The following DCX variants were observed in gnomAD, a reference collection of about 807,000 sequenced individuals.
DCX encodes neuronal migration protein doublecortin.
In DCX, 4 loss-of-function variants were observed where a neutral mutation model predicts 20.9. The ratio of observed to expected loss-of-function variants is 0.19; its 90% CI spans 0.09 to 0.44. The LOEUF (loss-of-function observed/expected upper bound fraction) is 0.44, where lower values mean the gene tolerates loss of function less well. DCX is among the 20% of genes least tolerant of loss of function. The pLI is 0.99. For missense variants in DCX, 133 were observed against 296.9 expected (o/e 0.45, Z 4.06); for synonymous variants, 103 against 111.4 (o/e 0.92, Z 0.47).
chrX:111,402,827 G>C (rs1391120345), intron 2 of DCX, among the ~76,000 whole-genome samples: 2 of 102,489 alleles, frequency 2.0e-5, no homozygotes, highest in South Asian at 9.3e-4. Context: ...GTGTGCGGAG[G>C]GGGAGGGTAA....
At chrX:111,354,708 T>G (rs1293426040) in intron 3 of DCX, among the ~76,000 whole-genome samples, 1 of 112,448 alleles carries the variant, frequency 8.9e-6, no homozygotes, top group Non-Finnish European at 1.9e-5. Flanking sequence ...ACAGTGTGAT[T>G]GCCTGGAACG....
intron 1 of DCX, among the ~76,000 whole-genome samples, chrX:111,411,342 G>A (rs778201744): frequency 9.6e-6 from 1 of 104,145 alleles, no homozygotes; most frequent in South Asian, 4.6e-4. Context: ...AACAGCATAC[G>A]GGACCTTTAG....
chrX:111,398,658 G>T (rs1358304537), intron 3 of DCX, among the ~76,000 whole-genome samples: 1 of 112,108 alleles, frequency 8.9e-6, no homozygotes, highest in Non-Finnish European at 1.9e-5. Context: ...ACTCTGCATG[G>T]CCTGCTGTAG....
Position 111,405,232 on chromosome X carries a change from C to T in DCX, c.365-3902G>A, listed in dbSNP as rs1928117209. ...AGCAAGCTTCTGCCTGGGTTTTCTC[C>T]TCTTCTCCAGGGCTTCCTGACTCAA... On this transcript the variant is annotated intron_variant, in intron 2 of 6. Transcript: ENST00000636035. 1.8e-5 allele frequency among the ~76,000 whole-genome samples: 2 copies of T among 112,163 alleles called. 1 individual carries two copies. The highest frequency in any genetic ancestry group is 3.8e-5 in the Non-Finnish European group (2 of 53,226).
chrX:111,320,754 A>T (rs1399219882), intron 5 of DCX, among the ~76,000 whole-genome samples: 1 of 109,865 alleles, frequency 9.1e-6, no homozygotes, highest in Non-Finnish European at 1.9e-5. Flanking sequence ...TTATCAACAA[A>T]AATAGGATAA....
chrX:111,330,818 T>A, intron 5 of DCX, 86 bp downstream of exon 5: 2 of 1,146,701 alleles, frequency 1.7e-6, no homozygotes, highest in South Asian at 3.6e-5. Context: ...ACAGTGGTGT[T>A]CATGAGGAAC....
chrX:111,400,182 T>C (rs904807741), intron 3 of DCX, among the ~76,000 whole-genome samples: 1 of 111,931 alleles, frequency 8.9e-6, no homozygotes, highest in African/African-American at 3.2e-5. Flanking sequence ...CAGCCACTGT[T>C]CCAATTCCCT....
intron 5 of DCX, among the ~76,000 whole-genome samples, chrX:111,313,678 C>CT (rs1361938700): frequency 7.2e-5 from 8 of 111,608 alleles, no homozygotes; most frequent in African/African-American, 2.6e-4. Context: ...TGCTAATGAG[C>CT]TTTTTAATAT....
chrX:111,303,991 A>G, intron 6 of DCX, among the ~76,000 whole-genome samples: 1 of 112,173 alleles, frequency 8.9e-6, no homozygotes, highest in African/African-American at 3.2e-5. Flanking sequence ...TCATCCATGC[A>G]AATATAACCA....
rs184550926 is a variant in DCX, at chrX:111,362,224, C to T, written c.706-29071G>A. Among the ~76,000 whole-genome samples the T allele has an allele frequency of 3.7e-3, 411 of 111,102 alleles. 3 individuals carry two copies. The highest frequency in any genetic ancestry group is 0.013 in the African/African-American group (388 of 30,605). ...CCATTGCTTGAGTTCATAAGAATGC[C>T]CTTGAATCAGAGCTTGAGTCGAAGT... On this transcript the variant is annotated intron_variant, in intron 3 of 6. Transcript: ENST00000636035.
rs141846856 is a variant in DCX at position 111,406,288 on chromosome X, A to G, written c.364+3747T>C. On this transcript the variant is annotated intron_variant, in intron 2 of 6. Coordinates refer to ENST00000636035, the MANE Select transcript of DCX (RefSeq NM_001195553.2). ...TGGCCCAGGAATGTAATATTTTTCT[A>G]AAGCTCTGAAAGATTTTGAAAGGCA... Among the ~76,000 whole-genome samples, 261 of 112,201 alleles carry G rather than the reference A, an allele frequency of 2.3e-3. 1 individual carries two copies. Among genetic ancestry groups the G allele is most frequent in the Admixed American group, 0.019 (200 of 10,611 alleles).
chrX:111,309,791 A>T (rs189169797), intron 6 of DCX, among the ~76,000 whole-genome samples: 3 of 112,069 alleles, frequency 2.7e-5, no homozygotes, highest in Non-Finnish European at 5.6e-5. Flanking sequence ...CTAAAGAGAC[A>T]TGAGAACTTG....
chrX:111,372,315 G>A (rs934350189), intron 3 of DCX, among the ~76,000 whole-genome samples: 2 of 111,841 alleles, frequency 1.8e-5, no homozygotes, highest in Non-Finnish European at 3.8e-5. Context: ...TCAAACAAAG[G>A]GTTGCTGGAA....
intron 6 of DCX, among the ~76,000 whole-genome samples, chrX:111,312,328 C>A (rs1043214211): frequency 5.4e-5 from 6 of 112,038 alleles, no homozygotes; most frequent in African/African-American, 1.9e-4. Flanking sequence ...TGTCTCTGAA[C>A]TGGGGAGACA....
At chrX:111,356,439 C>T (rs1411644364) in intron 3 of DCX, among the ~76,000 whole-genome samples, 2 of 112,867 alleles carry the variant, frequency 1.8e-5, no homozygotes, top group Non-Finnish European at 3.8e-5. Flanking sequence ...GCAGAGAATA[C>T]AGAAGATCCT....
At chrX:111,404,704 A>C (rs1928076603) in intron 2 of DCX, among the ~76,000 whole-genome samples, 1 of 112,085 alleles carries the variant, frequency 8.9e-6, no homozygotes, top group South Asian at 3.8e-4. Flanking sequence ...GGCTTCAGAA[A>C]ACAAAGCTGT....
At chrX:111,390,253 C>T (rs1331130714) in intron 3 of DCX, among the ~76,000 whole-genome samples, 2 of 111,758 alleles carry the variant, frequency 1.8e-5, no homozygotes, top group Non-Finnish European at 3.8e-5. Flanking sequence ...CTGCCCCAAA[C>T]CTGAACAAGC....
At chrX:111,377,331 C>A in intron 3 of DCX, among the ~76,000 whole-genome samples, 1 of 111,858 alleles carries the variant, frequency 8.9e-6, no homozygotes, top group Middle Eastern at 4.6e-3. Context: ...ATAGACCTGA[C>A]CTTCCCAGCT....
chrX:111,407,128 T>A (rs747121006), intron 2 of DCX, among the ~76,000 whole-genome samples: 1 of 112,075 alleles, frequency 8.9e-6, no homozygotes, highest in African/African-American at 3.2e-5. Context: ...ATATGCACTT[T>A]ATATCTACTG....
Sources: allele counts gnomAD v4.1 joint callset (sites outside exome capture counted in the v4.1 genomes callset), GRCh38; gene constraint gnomAD v4.1.1; transcripts MANE v1.5; gene names NCBI Gene and HGNC (gene_info 2026-07-23, HGNC 2026-07-21).